Variants in CIMAP1D observed in about 807,000 individuals in gnomAD.
The protein encoded by CIMAP1D is CIMAP1 family member D.
chr19:472,719 C>T, the CIMAP1D span: 4 of 517,904 alleles, frequency 7.7e-6, no homozygotes, highest in Non-Finnish European at 1.4e-5. Context: ...GGACAGCAGC[C>T]CCCCTCACCC....
the CIMAP1D span, among the ~76,000 whole-genome samples, chr19:470,898 C>G: frequency 6.6e-6 from 1 of 152,184 alleles, no homozygotes; most frequent in Non-Finnish European, 1.5e-5. Flanking sequence ...TAGACAGGAG[C>G]AGGCACCATG....
chr19:464,071 A>G, the CIMAP1D span: 1 of 1,503,608 alleles, frequency 6.7e-7, no homozygotes, highest in Non-Finnish European at 8.9e-7. Context: ...CGCTGGCGGT[A>G]GGTGTTTGCG....
chr19:465,067 A>G, the CIMAP1D span, among the ~76,000 whole-genome samples: 1 of 137,164 alleles, frequency 7.3e-6, no homozygotes, highest in Non-Finnish European at 1.6e-5. Context: ...GGATGGATGG[A>G]TGGGTGGGTG....
the CIMAP1D span, among the ~76,000 whole-genome samples, chr19:488,818 G>T: frequency 6.6e-6 from 1 of 152,212 alleles, no homozygotes; most frequent in Non-Finnish European, 1.5e-5. Context: ...GGCCTCCCGG[G>T]ACCAGCGCGC....
At chr19:480,720 G>A in the CIMAP1D span, among the ~76,000 whole-genome samples, 3 of 136,762 alleles carry the variant, frequency 2.2e-5, no homozygotes, top group African/African-American at 5.8e-5. Context: ...AGGAATGTGG[G>A]AAGGATGATG....
chr19:475,751 A>G, the CIMAP1D span, among the ~76,000 whole-genome samples: 1 of 149,146 alleles, frequency 6.7e-6, no homozygotes, highest in Non-Finnish European at 1.5e-5. Context: ...TTGTTTCTGT[A>G]TTTTTTGGAG....
the CIMAP1D span, among the ~76,000 whole-genome samples, chr19:474,374 A>G: frequency 1.3e-5 from 2 of 152,120 alleles, no homozygotes; most frequent in African/African-American, 4.8e-5. Context: ...TGCTGTACCC[A>G]CAGCCCCTGG....
the CIMAP1D span, among the ~76,000 whole-genome samples, chr19:469,646 G>A: frequency 1.3e-5 from 2 of 151,952 alleles, no homozygotes; most frequent in Non-Finnish European, 2.9e-5. Flanking sequence ...AGCCGAGATC[G>A]CACCACTGCA....
the CIMAP1D span, among the ~76,000 whole-genome samples, chr19:480,041 C>G: frequency 9.2e-5 from 14 of 152,228 alleles, 1 homozygote; most frequent in Admixed American, 8.5e-4. Flanking sequence ...GTGTGAGCGT[C>G]TGCGATGTGA....
At chr19:481,461 TGGGA>T in the CIMAP1D span, among the ~76,000 whole-genome samples, 3 of 31,612 alleles carry the variant, frequency 9.5e-5, no homozygotes, top group East Asian at 1.6e-3. Flanking sequence ...GGAAGGATGA[TGGGA>T]AGGATGATGG....
chr19:471,742 T>A, the CIMAP1D span, among the ~76,000 whole-genome samples: 2 of 4,540 alleles, frequency 4.4e-4, no homozygotes, highest in African/African-American at 6.0e-3. Flanking sequence ...ATTGTTAACT[T>A]TTTTTTTTTT....
chr19:481,272 GGGAAAGTATGAT>G, the CIMAP1D span, among the ~76,000 whole-genome samples: 32 of 146,946 alleles, frequency 2.2e-4, no homozygotes, highest in Admixed American at 1.2e-3. Flanking sequence ...AAAAGATGAT[GGGAAAGTATGAT>G]GGGAAGGATG....
chr19:464,310 A>G, the CIMAP1D span: 706,799 of 1,539,406 alleles, frequency 0.46, 165,200 homozygotes, highest in East Asian at 0.64. Flanking sequence ...CCGATGGCGC[A>G]CAGGGGGCAC....
chr19:471,897 C>T, the CIMAP1D span, among the ~76,000 whole-genome samples: 5 of 152,124 alleles, frequency 3.3e-5, no homozygotes, highest in Non-Finnish European at 7.3e-5. Context: ...CGCCCGCCAC[C>T]ACGCCCGGCT....
At chr19:474,613 G>C in the CIMAP1D span, 1 of 1,540,426 alleles carries the variant, frequency 6.5e-7, no homozygotes, top group Non-Finnish European at 8.8e-7. Context: ...CCCACGGCTG[G>C]CACGCACCGT....
the CIMAP1D span, among the ~76,000 whole-genome samples, chr19:484,139 CTTTTTT>C: frequency 7.7e-6 from 1 of 129,440 alleles, no homozygotes; most frequent in Non-Finnish European, 1.6e-5. Flanking sequence ...TTTTCTTTTT[CTTTTTT>C]TTTTTTTTTT....
the CIMAP1D span, among the ~76,000 whole-genome samples, chr19:486,495 T>C: frequency 5.5e-4 from 83 of 151,766 alleles, no homozygotes; most frequent in Middle Eastern, 0.01. Context: ...GGCTGGAGGG[T>C]AGTGGCGCAA....
At chr19:481,449 G>A in the CIMAP1D span, among the ~76,000 whole-genome samples, 758 of 55,748 alleles carry the variant, frequency 0.014, 2 homozygotes, top group Non-Finnish European at 0.016. Flanking sequence ...GAAGGATGAT[G>A]GGGAAGGATG....
At chr19:489,864 A>C in the CIMAP1D span, 1 of 381,856 alleles carries the variant, frequency 2.6e-6, no homozygotes, top group African/African-American at 2.1e-5. Flanking sequence ...GCCGGCCTGC[A>C]GGCGAGAACC....
Sources: allele counts gnomAD v4.1 joint callset (sites outside exome capture counted in the v4.1 genomes callset), GRCh38; gene constraint gnomAD v4.1.1; transcripts MANE v1.5; gene names NCBI Gene and HGNC (gene_info 2026-07-23, HGNC 2026-07-21).